The following PERP variants were observed in gnomAD, a reference collection of about 807,000 sequenced individuals.
PERP encodes p53 apoptosis effector related to PMP-22.
In PERP, 11 loss-of-function variants were observed where a neutral mutation model predicts 20.3. That is an observed-to-expected ratio of 0.54 (90% confidence interval 0.34 to 0.90). The LOEUF is 0.90. Ranked by LOEUF, PERP falls within the 40% of genes least tolerant of loss-of-function variation. PERP has a pLI of 0.02. For synonymous variants in PERP, 101 were observed against 102.0 expected (o/e 0.99, Z 0.06); for missense variants, 224 against 249.4 (o/e 0.90, Z 0.69).
At chr6:138,096,235 C>T (rs1245410803) in intron 2 of PERP, 119 bp downstream of exon 2, 16 of 1,295,312 alleles carry the variant, frequency 1.2e-5, no homozygotes, top group East Asian at 9.6e-5. Flanking sequence ...CCTGGTGATA[C>T]ATTTTCCGAG....
chr6:138,104,999 C>T (rs1775822886), intron 1 of PERP, among the ~76,000 whole-genome samples: 1 of 152,172 alleles, frequency 6.6e-6, no homozygotes, highest in Non-Finnish European at 1.5e-5. Context: ...ATGAGACAGA[C>T]GTATAATAAG....
At chr6:138,100,931 T>C (rs1775761632) in intron 1 of PERP, among the ~76,000 whole-genome samples, 1 of 152,230 alleles carries the variant, frequency 6.6e-6, no homozygotes, top group Non-Finnish European at 1.5e-5. Flanking sequence ...ACTGAGTTTT[T>C]CCTAGGACGT....
At chr6:138,104,814 GCTTA>G (rs1415767126) in intron 1 of PERP, among the ~76,000 whole-genome samples, 2 of 152,148 alleles carry the variant, frequency 1.3e-5, no homozygotes, top group Non-Finnish European at 2.9e-5. Context: ...TGTGTAAACT[GCTTA>G]CTTCATTTTA....
chr6:138,107,210 G>A lies in PERP; in HGVS notation c.131C>T (p.Thr44Met), dbSNP rs1304652650. The A allele has an allele frequency of 1.2e-6, 2 of 1,612,466 alleles. No homozygotes were observed. Among genetic ancestry groups the A allele is most frequent in the East Asian group, 4.5e-5 (2 of 44,836 alleles). The change falls in exon 1 of 3, where the codon ACG becomes ATG. Residue 44 changes from threonine (T) to methionine (M), a missense_variant. Coordinates refer to ENST00000421351, the MANE Select transcript of PERP (RefSeq NM_022121.5). The surrounding 1 kb of genome is among the most constrained non-coding windows in gnomAD (Gnocchi z 4.8). ...GGAGCATTTCCACCACAGCGAGGAC[G>A]TCTGGCCGTGGTCGCTAGACTGCAA... Reference protein sequence around the residue: ...GWLQSSDHGQTSSLWWKCSQE... With the variant: ...GWLQSSDHGQMSSLWWKCSQE...
At chr6:138,092,431 A>G (rs1332393399) in intron 2 of PERP, among the ~76,000 whole-genome samples, 163 bp from the exon 3 acceptor site, 1 of 152,250 alleles carries the variant, frequency 6.6e-6, no homozygotes, top group African/African-American at 2.4e-5. Flanking sequence ...GCCAAAAAAG[A>G]TTCTTGACTA....
intron 1 of PERP, among the ~76,000 whole-genome samples, chr6:138,105,137 G>A (rs12190191): frequency 0.043 from 6,513 of 152,268 alleles, 194 homozygotes; most frequent in Non-Finnish European, 0.073. Flanking sequence ...CAAGAGCCGT[G>A]TGTAATGCAT....
rs1259170130 is a variant in PERP at position 138,095,316 on chromosome 6, T to TGTGCA, written c.355+1033_355+1037dup. 7.9e-5 allele frequency among the ~76,000 whole-genome samples: 12 copies of TGTGCA among 152,310 alleles called. No homozygotes were observed. In the East Asian group the frequency reaches 2.3e-3, roughly 29 times the overall value. On this transcript the variant is annotated intron_variant, in intron 2 of 2. Coordinates refer to ENST00000421351, the MANE Select transcript of PERP (RefSeq NM_022121.5). ...AATGTGCCGTGAAGAAGGCCAGGAC[T>TGTGCA]GTGCATGTACCAGCTGGTTCTTTGA...
chr6:138,099,926 A>T lies in PERP; in HGVS notation c.215-3432T>A, dbSNP rs1775747210. On this transcript the variant is annotated intron_variant, in intron 1 of 2. Coordinates refer to ENST00000421351, the MANE Select transcript of PERP (RefSeq NM_022121.5). ...AGTGCTGAGTCTAAAGAAAATCAAA[A>T]TGGAAAATTAAACCACATTTTGTCT... Among the ~76,000 whole-genome samples the T allele has an allele frequency of 2.6e-5, 4 of 152,358 alleles. No homozygotes were observed. In the South Asian group the frequency reaches 8.3e-4, roughly 32 times the overall value.
At chr6:138,099,685 T>C (rs1328625236) in intron 1 of PERP, among the ~76,000 whole-genome samples, 1 of 152,164 alleles carries the variant, frequency 6.6e-6, no homozygotes, top group Non-Finnish European at 1.5e-5. Flanking sequence ...TTGAGGAAAA[T>C]TAACATAAAA....
intron 2 of PERP, among the ~76,000 whole-genome samples, chr6:138,094,669 T>C (rs1754773394): frequency 6.6e-6 from 1 of 152,186 alleles, no homozygotes; most frequent in Non-Finnish European, 1.5e-5. Flanking sequence ...TGCTGGGTCA[T>C]ATAGTATTTA....
At chr6:138,101,270 T>C (rs950701307) in intron 1 of PERP, among the ~76,000 whole-genome samples, 4 of 152,146 alleles carry the variant, frequency 2.6e-5, no homozygotes, top group Non-Finnish European at 5.9e-5. Flanking sequence ...TTCAGGAGGC[T>C]GAGGCATGAG....
chr6:138,095,832 A>G (rs1480262579), intron 2 of PERP, among the ~76,000 whole-genome samples: 1 of 152,194 alleles, frequency 6.6e-6, no homozygotes, highest in South Asian at 2.1e-4. Flanking sequence ...TGTCTGGACC[A>G]CTATTCCCCC....
intron 1 of PERP, among the ~76,000 whole-genome samples, chr6:138,101,283 T>C (rs1341481630): frequency 6.6e-6 from 1 of 152,100 alleles, no homozygotes; most frequent in African/African-American, 2.4e-5. Flanking sequence ...GGCATGAGAA[T>C]CGCTTGCACC....
In PERP at chr6:138,099,778, C is replaced by A. The variant is rs868619826; in HGVS notation, c.215-3284G>T. On this transcript the variant is annotated intron_variant, in intron 1 of 2. Coordinates refer to ENST00000421351, the MANE Select transcript of PERP (RefSeq NM_022121.5). ...TTTCAAGTGCTTGGAAGGAATTAAA[C>A]CAAAGAAATGGTAAGCCAATTCACC... 3.3e-5 allele frequency among the ~76,000 whole-genome samples: 5 copies of A among 152,258 alleles called. 1 individual carries two copies. Among genetic ancestry groups the A allele is most frequent in the Middle Eastern group, 6.8e-3 (2 of 294 alleles).
chr6:138,102,465 G>C (rs148174761), intron 1 of PERP, among the ~76,000 whole-genome samples: 3 of 152,188 alleles, frequency 2.0e-5, no homozygotes, highest in Non-Finnish European at 4.4e-5. Context: ...AATAAGGGAC[G>C]AAGCTTAGTC....
intron 1 of PERP, among the ~76,000 whole-genome samples, chr6:138,100,202 G>A (rs977163317): frequency 6.6e-6 from 1 of 152,194 alleles, no homozygotes; most frequent in Non-Finnish European, 1.5e-5. Flanking sequence ...CCTTTCAGAT[G>A]TAGAGACTTA....
At chr6:138,106,530 A>G (rs1001820562) in intron 1 of PERP, among the ~76,000 whole-genome samples, 2 of 152,254 alleles carry the variant, frequency 1.3e-5, no homozygotes, top group African/African-American at 4.8e-5. Context: ...CTAAACAACA[A>G]TGCCATGCTT....
At chr6:138,097,593 T>C (rs1775713919) in intron 1 of PERP, among the ~76,000 whole-genome samples, 1 of 152,178 alleles carries the variant, frequency 6.6e-6, no homozygotes. Flanking sequence ...AATCTCCTAA[T>C]AACTTCTTAA....
At chr6:138,101,720 C>T (rs7773663) in intron 1 of PERP, among the ~76,000 whole-genome samples, 70,368 of 152,012 alleles carry the variant, frequency 0.46, 16,743 homozygotes, top group East Asian at 0.71. Context: ...ACAGGCAGAA[C>T]TGAAAACTGG....
Sources: allele counts gnomAD v4.1 joint callset (sites outside exome capture counted in the v4.1 genomes callset), GRCh38; gene constraint gnomAD v4.1.1; non-coding constraint Gnocchi (gnomAD v3.1); transcripts MANE v1.5; gene names NCBI Gene and HGNC (gene_info 2026-07-23, HGNC 2026-07-21).